Variants in ARHGEF37 observed in about 807,000 individuals in gnomAD.
ARHGEF37 encodes Rho guanine nucleotide exchange factor 37, also known as Rho guanine nucleotide exchange factor (GEF) 37.
In ARHGEF37, 55 loss-of-function variants were observed where a neutral mutation model predicts 71.1. That is an observed-to-expected ratio of 0.77 (90% CI 0.62 to 0.97). ARHGEF37 has a LOEUF of 0.97. ARHGEF37 is among the 50% of genes least tolerant of loss of function. ARHGEF37 has a pLI of 0.00. For synonymous variants in ARHGEF37, 327 were observed against 350.6 expected, an observed-to-expected ratio of 0.93 and a Z score of 0.75; for missense variants, 765 against 836.8, an observed-to-expected ratio of 0.91 and a Z score of 1.06.
chr5:149,561,231 C>A (rs1278210772), intron 1 of ARHGEF37, among the ~76,000 whole-genome samples: 4 of 148,992 alleles, frequency 2.7e-5, no homozygotes, highest in Non-Finnish European at 5.9e-5. Context: ...CGAGATCACG[C>A]CACTACACTA....
At chr5:149,600,613 C>G (rs1471628473) in intron 2 of ARHGEF37, among the ~76,000 whole-genome samples, 2 of 151,878 alleles carry the variant, frequency 1.3e-5, no homozygotes, top group Middle Eastern at 6.3e-3. Context: ...CCGTCTGTTC[C>G]TCTCTTCTTG....
Position 149,566,135 on chromosome 5 carries a change from C to T in ARHGEF37, c.-12+14012C>T, listed in dbSNP as rs369953360. On this transcript the variant is annotated intron_variant, in intron 1 of 2. Coordinates refer to the ARHGEF37 transcript ENST00000505810. The stretch of plus-strand genomic sequence containing the variant: ...TGCTGGGATTACAGGCCTGCACCAC[C>T]GTGCCTGGCCCAGAAACTCTATTTT... Among the ~76,000 whole-genome samples, 51 of 151,858 alleles carry T rather than the reference C, an allele frequency of 3.4e-4. 1 individual carries two copies. The South Asian group carries it at 5.0e-3, about 15-fold the overall frequency.
intron 1 of ARHGEF37, among the ~76,000 whole-genome samples, chr5:149,589,916 C>A (rs183692319): frequency 6.6e-6 from 1 of 152,272 alleles, no homozygotes; most frequent in East Asian, 1.9e-4. Flanking sequence ...ATCCTCCCAC[C>A]TTAGCATCAC....
At chr5:149,599,584 C>T (rs532563024) in intron 2 of ARHGEF37, among the ~76,000 whole-genome samples, 5 of 152,218 alleles carry the variant, frequency 3.3e-5, no homozygotes, top group South Asian at 2.1e-4. Context: ...GCCACCACAC[C>T]GAGCCATGAC....
intron 1 of ARHGEF37, among the ~76,000 whole-genome samples, chr5:149,557,368 A>T (rs529167298): frequency 1.3e-5 from 2 of 152,378 alleles, no homozygotes; most frequent in African/African-American, 4.8e-5. Flanking sequence ...CTGCTGTTAC[A>T]CAAGGAACAT....
chr5:149,584,603 TTTC>T (rs1561788620), intron 1 of ARHGEF37, among the ~76,000 whole-genome samples: 2 of 152,260 alleles, frequency 1.3e-5, no homozygotes, highest in South Asian at 4.1e-4. Flanking sequence ...ATATGTTTCT[TTTC>T]TTTTTCTTTT....
At chr5:149,590,205 G>T (rs768441191) in intron 1 of ARHGEF37, among the ~76,000 whole-genome samples, 3 of 151,896 alleles carry the variant, frequency 2.0e-5, no homozygotes, top group Non-Finnish European at 4.4e-5. Context: ...AGAGAGAAAA[G>T]AATTAACTCA....
chr5:149,560,100 T>A (rs1762808909), intron 1 of ARHGEF37, among the ~76,000 whole-genome samples: 1 of 152,076 alleles, frequency 6.6e-6, no homozygotes, highest in African/African-American at 2.4e-5. Flanking sequence ...AGTAATCTCA[T>A]GTTTTTTTGT....
At chr5:149,623,990 G>T in intron 9 of ARHGEF37, 22 bp from the exon 10 acceptor site, 1 of 1,579,702 alleles carries the variant, frequency 6.3e-7, no homozygotes, top group South Asian at 1.1e-5. Flanking sequence ...CAGCTCTGTT[G>T]ACAGTGTCTG....
rs916157684 is a variant in ARHGEF37 at position 149,616,629 on chromosome 5, G to A, written c.521G>A (p.Arg174Lys). 1 of 1,613,270 alleles carries A rather than the reference G, an allele frequency of 6.2e-7. No individual in the cohort carries two copies. The highest frequency in any genetic ancestry group is 8.5e-7 in the Non-Finnish European group (1 of 1,179,832). ...GTAATTCCTCTGCAGAGGATCACCA[G>A]GTACCCACTGCTGCTGCAGAAAATC... is the stretch of plus-strand genomic sequence containing the variant. ...LLVIPLQRITRYPLLLQKILE... is the reference protein window; with the variant it reads ...LLVIPLQRITKYPLLLQKILE... The change falls in exon 5 of 13, where the codon AGG (arginine) becomes AAG (lysine). Residue 174 changes from arginine (R) to lysine (K), a missense_variant. Arg to Lys is a conservative substitution (Grantham distance 26). Around this residue, in one of 5 missense-constraint regions of ARHGEF37, gnomAD observed 201 missense variants for 217.5 expected, o/e 0.92. Coordinates refer to ENST00000333677, the MANE Select transcript of ARHGEF37 (RefSeq NM_001001669.3).
At chr5:149,605,227 A>C (rs1221306886) in intron 3 of ARHGEF37, among the ~76,000 whole-genome samples, 2 of 22,296 alleles carry the variant, frequency 9.0e-5, no homozygotes, top group African/African-American at 2.1e-4. Flanking sequence ...ACTGCATCTC[A>C]AAAAAAAAAA....
At chr5:149,564,832 AAAC>A (rs1762880747) in intron 1 of ARHGEF37, among the ~76,000 whole-genome samples, 1 of 152,216 alleles carries the variant, frequency 6.6e-6, no homozygotes. Context: ...CAAAAAAACA[AAAC>A]AACTCCCAGA....
At chr5:149,616,913 C>T (rs555309205) in intron 5 of ARHGEF37, 147 bp downstream of exon 5, 18 of 797,764 alleles carry the variant, frequency 2.3e-5, no homozygotes, top group East Asian at 1.6e-4. Flanking sequence ...AGGTAGGGTT[C>T]GATCAGGGTG....
At chr5:149,630,487 A>G (rs951403904) in intron 12 of ARHGEF37, among the ~76,000 whole-genome samples, 1 of 152,142 alleles carries the variant, frequency 6.6e-6, no homozygotes, top group African/African-American at 2.4e-5. Context: ...TGAGTGCTGC[A>G]TAGGTGTCTG....
At chr5:149,599,603 T>A (rs1763694344) in intron 2 of ARHGEF37, among the ~76,000 whole-genome samples, 1 of 152,182 alleles carries the variant, frequency 6.6e-6, no homozygotes, top group African/African-American at 2.4e-5. Flanking sequence ...ACCTACATTC[T>A]AACTGTCTCA....
At chr5:149,579,163 T>A (rs11951544), upstream of ARHGEF37, among the ~76,000 whole-genome samples, 1 of 152,216 alleles carries the variant, frequency 6.6e-6, no homozygotes, top group East Asian at 1.9e-4. Context: ...CATCACGTAC[T>A]TCTGAAAAAA....
chr5:149,580,836 G>A (rs945859440), upstream of ARHGEF37, among the ~76,000 whole-genome samples: 3 of 152,188 alleles, frequency 2.0e-5, no homozygotes, highest in African/African-American at 7.2e-5. Context: ...ACAAGGTTTG[G>A]TTGCCCCGAT....
chr5:149,601,278 C>T (rs370493467), intron 3 of ARHGEF37, 47 bp downstream of exon 3: 10 of 1,583,084 alleles, frequency 6.3e-6, no homozygotes, highest in Non-Finnish European at 7.8e-6. Flanking sequence ...TCTCATGGAA[C>T]TGTTCTCAGC....
chr5:149,553,129 G>A (rs1351229983), intron 1 of ARHGEF37, among the ~76,000 whole-genome samples: 1 of 151,492 alleles, frequency 6.6e-6, no homozygotes, highest in Admixed American at 6.6e-5. Flanking sequence ...CGGGCATGGT[G>A]GGCTCACACC....
Sources: allele counts gnomAD v4.1 joint callset (sites outside exome capture counted in the v4.1 genomes callset), GRCh38; gene constraint gnomAD v4.1.1; regional missense constraint gnomAD v4.1.1; transcripts MANE v1.5; gene names NCBI Gene and HGNC (gene_info 2026-07-23, HGNC 2026-07-21).